Variants in ZNF500 observed in about 807,000 individuals in gnomAD.
ZNF500 encodes the protein zinc finger protein with KRAB and SCAN domains 18.
ZNF500 carries 31 observed loss-of-function variants against 30.1 expected under a neutral mutation model. The observed-to-expected ratio is 1.03, with a 90% CI of 0.77 to 1.39. The LOEUF (loss-of-function observed/expected upper bound fraction) is 1.39, where lower values mean the gene tolerates loss of function less well. Among genes scored for constraint, ZNF500 ranks in the 40% most tolerant of loss-of-function variants. The probability of loss-of-function intolerance (pLI) is 0.00; values close to 1 mark genes in which losing one functional copy is unlikely to be tolerated. For missense variants in ZNF500, 817 were observed against 657.8 expected, an observed-to-expected ratio of 1.24 and a Z score of -2.65; for synonymous variants, 392 against 282.0, an observed-to-expected ratio of 1.39 and a Z score of -3.91.
Position 4,751,430 on chromosome 16 carries a change from A to G in ZNF500, c.*946T>C, listed in dbSNP as rs2082076500. On this transcript the variant is annotated 3_prime_UTR_variant, in exon 6 of 6. Coordinates refer to ENST00000219478, the MANE Select transcript of ZNF500 (RefSeq NM_021646.4). Reference sequence around the variant, plus strand: ...TCACATCCCAGGCAACATGTCAGGAAGATGGAACTCAGGGGTGCTTTCCCG... The same window carrying G: ...TCACATCCCAGGCAACATGTCAGGAGGATGGAACTCAGGGGTGCTTTCCCG... The G allele has an allele frequency of 1.4e-6, 1 of 721,888 alleles. No homozygotes were observed. Among genetic ancestry groups the G allele is most frequent in the South Asian group, 1.9e-5 (1 of 51,780 alleles). 44.7% of individuals were successfully genotyped at this position (721,888 alleles called of 1,614,324 possible).
chr16:4,755,339 T>C (rs2082125156), intron 5 of ZNF500, among the ~76,000 whole-genome samples: 1 of 152,054 alleles, frequency 6.6e-6, no homozygotes, highest in Non-Finnish European at 1.5e-5. Context: ...ATTTTTGAGA[T>C]GGAGTCTCGC....
chr16:4,746,623 C>A, downstream of ZNF500: 1 of 1,363,596 alleles, frequency 7.3e-7, no homozygotes, highest in Non-Finnish European at 9.9e-7. Context: ...CTTCAAAAGG[C>A]TTGGATCAAT....
downstream of ZNF500, chr16:4,747,005 T>G (rs1224260692): frequency 6.5e-7 from 1 of 1,535,720 alleles, no homozygotes. Context: ...AGGGGGCATC[T>G]CCTTCCTCCC....
chr16:4,746,941 C>A, downstream of ZNF500: 1 of 1,561,988 alleles, frequency 6.4e-7, no homozygotes, highest in South Asian at 1.2e-5. Flanking sequence ...AGCCACAGCT[C>A]CTCTGACAGT....
chr16:4,765,814 G>T lies in ZNF500; in HGVS notation c.165C>A (p.Leu55=). 6 of 1,613,504 alleles carry T rather than the reference G, an allele frequency of 3.7e-6. No homozygotes were observed. The highest frequency in any genetic ancestry group is 5.1e-6 in the Non-Finnish European group (6 of 1,179,954). Residue 55 remains leucine, a synonymous_variant, in exon 2 of 6, where the codon CTC becomes CTA. Coordinates refer to ENST00000219478, the MANE Select transcript of ZNF500 (RefSeq NM_021646.4). ...GCCCAGCCACCTCCTGGTAGCAGAA[G>T]AGCCGGAAGAGCTGGCGGAAAGTCT... The part of the protein sequence containing the change: ...SPETFRQLFR[L]FCYQEVAGPR...
downstream of ZNF500, chr16:4,746,829 A>C (rs2082023249): frequency 8.5e-7 from 1 of 1,173,676 alleles, no homozygotes; most frequent in African/African-American, 1.6e-5. Context: ...GACCTCTTGC[A>C]TTGGGTCACC....
intron 4 of ZNF500, among the ~76,000 whole-genome samples, chr16:4,761,226 C>G (rs2082195443): frequency 6.6e-6 from 1 of 152,150 alleles, no homozygotes; most frequent in Middle Eastern, 3.4e-3. Flanking sequence ...CATCTGAGGT[C>G]AGGAGCTCCA....
intron 2 of ZNF500, chr16:4,763,045 G>T (rs1310357554): frequency 1.0e-6 from 1 of 985,354 alleles, no homozygotes; most frequent in Non-Finnish European, 1.2e-6. Context: ...GGCCAGAAGA[G>T]CCCTGAGTCA....
In ZNF500 at chr16:4,765,678, C is replaced by G. The variant is rs1328919582; in HGVS notation, c.301G>C (p.Val101Leu). Reference protein sequence around the residue: ...ELLVLEQFLTVLPGEIQARVR... With the variant: ...ELLVLEQFLTLLPGEIQARVR... ...CGAGCCTGGATCTCCCCCGGCAGCACAGTCAGGAACTGCTCCAGCACCAGC... is the reference window on the plus strand; with the variant it reads ...CGAGCCTGGATCTCCCCCGGCAGCAGAGTCAGGAACTGCTCCAGCACCAGC... Residue 101 changes from valine to leucine, a missense_variant, in exon 2 of 6, where the codon GTG (valine) becomes CTG (leucine). Physicochemically the swap from Val to Leu is conservative, Grantham distance 32. Transcript: ENST00000219478. 6.2e-7 allele frequency: 1 copy of G among 1,613,536 alleles called. No individual in the cohort carries two copies. The highest frequency in any genetic ancestry group is 1.3e-5 in the African/African-American group (1 of 74,938).
intron 5 of ZNF500, 195 bp from the exon 6 acceptor site, chr16:4,753,253 G>A (rs1385927061): frequency 1.4e-5 from 16 of 1,149,552 alleles, no homozygotes; most frequent in South Asian, 6.9e-5. Context: ...TTGAGCCCAG[G>A]AGTTCAAGAC....
intron 5 of ZNF500, among the ~76,000 whole-genome samples, chr16:4,754,521 G>A (rs1214657154): frequency 6.6e-6 from 1 of 151,880 alleles, no homozygotes; most frequent in African/African-American, 2.4e-5. Context: ...AAAATTAGTT[G>A]GGGGTAGTGG....
At chr16:4,763,205 C>T in intron 2 of ZNF500, 1 of 770,648 alleles carries the variant, frequency 1.3e-6, no homozygotes, top group South Asian at 5.9e-5. Context: ...CGAGACCAGC[C>T]TAACCAACAT....
chr16:4,760,235 C>G (rs547747955), intron 5 of ZNF500, among the ~76,000 whole-genome samples: 2 of 152,234 alleles, frequency 1.3e-5, no homozygotes, highest in South Asian at 4.1e-4. Context: ...CACAGGGAAG[C>G]TGAAGTGAAG....
rs1379817546 is a variant in ZNF500 at position 4,755,491 on chromosome 16, AT to A, written c.761-2434del. Among the ~76,000 whole-genome samples the A allele has an allele frequency of 4.6e-5, 7 of 151,754 alleles. 1 individual carries two copies. The South Asian group carries it at 1.5e-3, about 32-fold the overall frequency. On this transcript the variant is annotated intron_variant, in intron 5 of 5. Transcript: ENST00000219478. Reference sequence around the variant, plus strand: ...GCCACCACACCCAGCCAATTTTTGTATTTTTAGTAGAGAAAGAGTTTCACCA... The same window carrying A: ...GCCACCACACCCAGCCAATTTTTGTATTTTAGTAGAGAAAGAGTTTCACCA...
At chr16:4,746,060 G>T, downstream of ZNF500, 1 of 251,764 alleles carries the variant, frequency 4.0e-6, no homozygotes, top group Non-Finnish European at 7.6e-6. Flanking sequence ...TGGTGAATGT[G>T]ACTGAGGAAC....
rs750550845 is a variant in ZNF500, at chr16:4,765,749, C to T, written c.230G>A (p.Arg77His). 5 of 1,613,132 alleles carry T rather than the reference C, an allele frequency of 3.1e-6. No individual in the cohort carries two copies. The highest frequency in any genetic ancestry group is 1.7e-5 in the Admixed American group (1 of 60,006). ...GGTGCGCAGCTCCGGCCGCAGCCAG[C>T]GGCAGCACAGCTCCCAGAGGCGGCT... ...ALSRLWELCC[R>H]WLRPELRTKE... The change falls in exon 2 of 6, where the codon CGC becomes CAC. Residue 77 changes from arginine (R) to histidine (H), a missense_variant. Coordinates refer to ENST00000219478, the MANE Select transcript of ZNF500 (RefSeq NM_021646.4).
chr16:4,764,050 A>G, intron 2 of ZNF500: 1 of 985,432 alleles, frequency 1.0e-6, no homozygotes, highest in South Asian at 4.7e-5. Context: ...AGCAGCAGGA[A>G]TGAGTAAGAG....
chr16:4,761,292 T>A (rs1236184859), intron 4 of ZNF500, among the ~76,000 whole-genome samples: 1 of 151,428 alleles, frequency 6.6e-6, no homozygotes, highest in Non-Finnish European at 1.5e-5. Context: ...CAAAAAAAAT[T>A]AGCCAGGCAT....
chr16:4,749,365 GTGA>G lies in ZNF500; in HGVS notation c.*3008_*3010del, dbSNP rs1344893257. 6.5e-6 allele frequency: 1 copy of G among 154,460 alleles called. No individual in the cohort carries two copies. Among genetic ancestry groups the G allele is most frequent in the African/African-American group, 2.4e-5 (1 of 41,542 alleles). 9.6% of individuals were successfully genotyped at this position (154,460 alleles called of 1,614,324 possible). ...GTAACCTCACTGAGAATGTTTTACA[GTGA>G]TGGAAAATAAACTCTGTTCCAAGTT... On this transcript the variant is annotated 3_prime_UTR_variant, in exon 6 of 6. Coordinates refer to ENST00000219478, the MANE Select transcript of ZNF500 (RefSeq NM_021646.4).
Sources: gnomAD v4.1 joint callset for allele counts (sites outside exome capture counted in the v4.1 genomes callset) on GRCh38, gnomAD v4.1.1 for gene constraint, MANE v1.5 for transcripts, NCBI Gene and HGNC (gene_info 2026-07-23, HGNC 2026-07-21) for gene names.